Variants in SLC4A10 observed in about 807,000 individuals in gnomAD.
SLC4A10 encodes sodium-driven chloride bicarbonate exchanger.
Under a neutral mutation model 137.7 loss-of-function variants are expected in SLC4A10, and 42 were observed. That is an observed-to-expected ratio of 0.30 (90% CI 0.24 to 0.39). The LOEUF (loss-of-function observed/expected upper bound fraction) is 0.39, where lower values mean the gene tolerates loss of function less well. Ranked by LOEUF, SLC4A10 falls within the 10% of genes least tolerant of loss-of-function variation. SLC4A10 has a pLI of 1.00. For missense variants in SLC4A10, 925 were observed against 1,355.0 expected (o/e 0.68, Z 4.98); for synonymous variants, 474 against 464.1 (o/e 1.02, Z -0.27).
intron 10 of SLC4A10, among the ~76,000 whole-genome samples, chr2:161,890,743 C>A (rs988783785): frequency 1.5e-4 from 23 of 152,134 alleles, no homozygotes; most frequent in African/African-American, 5.3e-4. Context: ...ACTCTTTATC[C>A]AAGTTGCCAG....
chr2:161,716,423 G>GT (rs2125089866), intron 1 of SLC4A10, among the ~76,000 whole-genome samples: 1 of 152,150 alleles, frequency 6.6e-6, no homozygotes, highest in Admixed American at 6.6e-5. Context: ...GTCCTGAATG[G>GT]TATTGCCTAG....
chr2:161,668,032 A>G (rs1338791180), intron 1 of SLC4A10, among the ~76,000 whole-genome samples: 1 of 151,854 alleles, frequency 6.6e-6, no homozygotes, highest in Non-Finnish European at 1.5e-5. Context: ...ATCATTATAC[A>G]TAGCAGCAAT....
intron 2 of SLC4A10, among the ~76,000 whole-genome samples, chr2:161,777,714 G>A (rs1362167511): frequency 1.3e-5 from 2 of 151,864 alleles, no homozygotes; most frequent in Non-Finnish European, 2.9e-5. Context: ...AGAACAGCAC[G>A]GGAAAGACCC....
intron 2 of SLC4A10, among the ~76,000 whole-genome samples, chr2:161,785,067 T>C (rs913973626): frequency 1.3e-5 from 2 of 151,446 alleles, no homozygotes; most frequent in Non-Finnish European, 3.0e-5. Flanking sequence ...ACCACTGATA[T>C]CACATAAGTT....
intron 2 of SLC4A10, among the ~76,000 whole-genome samples, chr2:161,776,206 ACT>A (rs1379495164): frequency 6.6e-6 from 1 of 151,730 alleles, no homozygotes; most frequent in African/African-American, 2.4e-5. Context: ...TTGAGATGAA[ACT>A]CTGCCATTCC....
intron 1 of SLC4A10, among the ~76,000 whole-genome samples, chr2:161,754,390 A>G (rs1405925404): frequency 6.6e-6 from 1 of 152,186 alleles, no homozygotes; most frequent in Non-Finnish European, 1.5e-5. Context: ...AGGAACCATG[A>G]ACAACAAAAT....
At chr2:161,855,921 TG>T (rs1376928943) in intron 5 of SLC4A10, among the ~76,000 whole-genome samples, 2 of 152,120 alleles carry the variant, frequency 1.3e-5, no homozygotes, top group Non-Finnish European at 2.9e-5. Flanking sequence ...TTTGTATTTG[TG>T]AAGTGAAAAA....
At chr2:161,648,629 C>T (rs2036390521) in intron 1 of SLC4A10, among the ~76,000 whole-genome samples, 1 of 152,166 alleles carries the variant, frequency 6.6e-6, no homozygotes, top group Non-Finnish European at 1.5e-5. Context: ...TCCAATTTTC[C>T]CAGAATTAAC....
intron 1 of SLC4A10, among the ~76,000 whole-genome samples, chr2:161,764,217 C>T (rs1044538200): frequency 6.6e-6 from 1 of 151,934 alleles, no homozygotes; most frequent in African/African-American, 2.4e-5. Context: ...AAAATAATTT[C>T]CAGGATATAT....
chr2:161,804,437 T>A lies in SLC4A10; in HGVS notation c.131-12T>A, dbSNP rs750781871. 6.2e-7 allele frequency: 1 copy of A among 1,606,968 alleles called. No individual in the cohort carries two copies. Among genetic ancestry groups the A allele is most frequent in the Non-Finnish European group, 8.5e-7 (1 of 1,176,566 alleles). ...TTCAGAGTTTAATTTGTGGGTTTGC[T>A]TCCTTATGAAGGTCATCGAACACTA... On this transcript the variant is annotated splice_polypyrimidine_tract_variant and intron_variant, in intron 2 of 26. Coordinates refer to ENST00000446997, the MANE Select transcript of SLC4A10 (RefSeq NM_001178015.2).
intron 3 of SLC4A10, among the ~76,000 whole-genome samples, chr2:161,805,490 T>C: frequency 6.6e-6 from 1 of 152,124 alleles, no homozygotes; most frequent in East Asian, 1.9e-4. Context: ...TGTGAGCCTG[T>C]AAAATCAAAA....
chr2:161,899,532 C>G (rs918070698), intron 11 of SLC4A10, among the ~76,000 whole-genome samples: 1 of 152,116 alleles, frequency 6.6e-6, no homozygotes, highest in Non-Finnish European at 1.5e-5. Context: ...CAATGAACAG[C>G]ATTTAAGAGT....
At chr2:161,916,419 T>G (rs1559528052) in intron 15 of SLC4A10, among the ~76,000 whole-genome samples, 1 of 152,232 alleles carries the variant, frequency 6.6e-6, no homozygotes, top group Admixed American at 6.5e-5. Flanking sequence ...CTTGTCTAGA[T>G]TATTGCAATT....
intron 1 of SLC4A10, among the ~76,000 whole-genome samples, chr2:161,626,526 C>G (rs954790747): frequency 6.6e-6 from 1 of 152,058 alleles, no homozygotes. Context: ...ATTAGCAGAT[C>G]ATCACAAGAA....
intron 1 of SLC4A10, among the ~76,000 whole-genome samples, chr2:161,643,512 C>T (rs1214258219): frequency 6.6e-6 from 1 of 152,060 alleles, no homozygotes; most frequent in Non-Finnish European, 1.5e-5. Context: ...TGATGAAAAA[C>T]TACATCCAAA....
chr2:161,894,542 ACTT>A (rs2063250845), intron 10 of SLC4A10, 134 bp from the exon 11 acceptor site: 1 of 354,530 alleles, frequency 2.8e-6, no homozygotes, highest in Non-Finnish European at 4.8e-6. Context: ...TACAACATAA[ACTT>A]CTTTAGAGTC....
intron 1 of SLC4A10, among the ~76,000 whole-genome samples, chr2:161,673,842 T>C (rs1028259088): frequency 1.3e-5 from 2 of 151,908 alleles, no homozygotes; most frequent in Non-Finnish European, 2.9e-5. Flanking sequence ...ATACAAAAAT[T>C]AGCTGGGTGT....
At chr2:161,960,158 G>A (rs1696385480) in intron 21 of SLC4A10, among the ~76,000 whole-genome samples, 2 of 151,960 alleles carry the variant, frequency 1.3e-5, no homozygotes, top group South Asian at 2.1e-4. Flanking sequence ...GAGGTCAAGA[G>A]ATCGAGAACA....
chr2:161,883,722 T>C (rs1256439435), intron 10 of SLC4A10, among the ~76,000 whole-genome samples: 3 of 152,178 alleles, frequency 2.0e-5, no homozygotes, highest in Non-Finnish European at 4.4e-5. Context: ...TGGTCTTCCC[T>C]GGCTTGTGGC....
Sources: gnomAD v4.1 joint callset for allele counts (sites outside exome capture counted in the v4.1 genomes callset) on GRCh38, gnomAD v4.1.1 for gene constraint, MANE v1.5 for transcripts, NCBI Gene and HGNC (gene_info 2026-07-23, HGNC 2026-07-21) for gene names.